Variants in SRP72 observed in about 807,000 individuals in gnomAD.
SRP72 encodes the protein signal recognition particle subunit SRP72.
Under a neutral mutation model 96.3 loss-of-function variants are expected in SRP72, and 49 were observed. That is an observed-to-expected ratio of 0.51 (90% CI 0.40 to 0.65). The LOEUF (loss-of-function observed/expected upper bound fraction) is 0.65, where lower values mean the gene tolerates loss of function less well. Ranked by LOEUF, SRP72 falls within the 30% of genes least tolerant of loss-of-function variation. The probability of loss-of-function intolerance (pLI) is 0.00; values close to 1 mark genes in which losing one functional copy is unlikely to be tolerated. For missense variants in SRP72, 736 were observed against 793.3 expected (o/e 0.93, Z 0.87); for synonymous variants, 267 against 275.2 (o/e 0.97, Z 0.30).
chr4:56,486,295 A>AT (rs547641102), intron 10 of SRP72, 30 bp from the exon 11 acceptor site: 77 of 1,542,642 alleles, frequency 5.0e-5, no homozygotes, highest in East Asian at 2.7e-4. Flanking sequence ...ATTAAATGTG[A>AT]TTTTTTTCCC....
chr4:56,496,418 A>G (rs1256625280), intron 17 of SRP72, among the ~76,000 whole-genome samples: 1 of 152,168 alleles, frequency 6.6e-6, no homozygotes, highest in Admixed American at 6.5e-5. Context: ...TATCCATTTC[A>G]CTATCTTTAA....
At chr4:56,484,945 G>C in intron 10 of SRP72, 81 bp downstream of exon 10, 1 of 1,478,000 alleles carries the variant, frequency 6.8e-7, no homozygotes, top group Non-Finnish European at 8.9e-7. Context: ...CTACTAGCAT[G>C]TAAATTTAAT....
At position 56,501,687 on chromosome 4, in the gene SRP72, T is replaced by C. The variant is rs1275938965; in HGVS notation, c.1842T>C (p.Asp614=). Residue 614 remains aspartate (D), a synonymous_variant, in exon 19 of 19, where the codon GAT becomes GAC. Transcript: ENST00000642900. ...GATAGASSEL[D]ASKTVSSPPT... Reference sequence around the variant, plus strand: ...AAAAATGATCTGATGATTTCAGGGATGCCAGTAAAACTGTGAGCAGCCCAC... The same window carrying C: ...AAAAATGATCTGATGATTTCAGGGACGCCAGTAAAACTGTGAGCAGCCCAC... The C allele has an allele frequency of 2.5e-6, 4 of 1,612,424 alleles. No individual in the cohort carries two copies. Among genetic ancestry groups the C allele is most frequent in the Admixed American group, 1.7e-5 (1 of 59,536 alleles).
In SRP72 at chr4:56,470,719, C is replaced by G. The variant is rs561808357; in HGVS notation, c.230+946C>G. Among the ~76,000 whole-genome samples the G allele has an allele frequency of 6.6e-5, 10 of 151,916 alleles. No homozygotes were observed. In the South Asian group the frequency reaches 1.9e-3, roughly 28 times the overall value. On this transcript the variant is annotated intron_variant, in intron 2 of 18. Coordinates refer to ENST00000642900, the MANE Select transcript of SRP72 (RefSeq NM_006947.4). ...TAAAAGGGAAATAGAGGCAATGCTG[C>G]TTTTCTCCTATTAAATATGTTTGCT... is the stretch of plus-strand genomic sequence containing the variant.
intron 17 of SRP72, among the ~76,000 whole-genome samples, chr4:56,495,833 C>G (rs1385482645): frequency 6.6e-6 from 1 of 152,142 alleles, no homozygotes; most frequent in Non-Finnish European, 1.5e-5. Flanking sequence ...AGTTGGCAGT[C>G]TAGAGGAATG....
intron 2 of SRP72, 42 bp from the exon 3 acceptor site, chr4:56,471,678 T>C: frequency 1.2e-6 from 2 of 1,604,388 alleles, no homozygotes; most frequent in South Asian, 1.1e-5. Context: ...TGCATTGCAT[T>C]GTTAGATAAT....
At chr4:56,487,265 T>C (rs1367695502) in intron 11 of SRP72, among the ~76,000 whole-genome samples, 1 of 152,140 alleles carries the variant, frequency 6.6e-6, no homozygotes, top group Admixed American at 6.5e-5. Flanking sequence ...GTTTAAAATG[T>C]CCTTAGTAGG....
chr4:56,470,473 G>A (rs1161142141), intron 2 of SRP72, among the ~76,000 whole-genome samples: 1 of 151,654 alleles, frequency 6.6e-6, no homozygotes, highest in Admixed American at 6.6e-5. Flanking sequence ...CCAGGAGGCA[G>A]AGGCTGCAGT....
chr4:56,496,205 A>T (rs958317361), intron 17 of SRP72, among the ~76,000 whole-genome samples: 1 of 152,320 alleles, frequency 6.6e-6, no homozygotes, highest in South Asian at 2.1e-4. Flanking sequence ...GGAATCTATC[A>T]TATAAATCAG....
rs564432603 is a variant in SRP72, at chr4:56,484,752, A to G, written c.974A>G (p.Lys325Arg). 1.3e-5 allele frequency: 21 copies of G among 1,614,114 alleles called. No homozygotes were observed. The East Asian group carries it at 4.0e-4, about 31-fold the overall frequency. Reference protein sequence around the residue: ...MYTNQAEQCRKISASLQSQSP... With the variant: ...MYTNQAEQCRRISASLQSQSP... ...ATCTTCTAGGCTGAACAATGCCGCA[A>G]AATATCTGCCAGTTTACAGTCCCAA... The change falls in exon 10 of 19, where the codon AAA (lysine) becomes AGA (arginine). Residue 325 changes from lysine (K) to arginine (R), a missense_variant. This residue lies in a region of SRP72 where 388 missense variants were observed against 431.8 expected (regional missense o/e 0.90). Transcript: ENST00000642900.
In SRP72 at chr4:56,474,268, G is replaced by T; in HGVS notation, c.499-12G>T. On this transcript the variant is annotated splice_polypyrimidine_tract_variant and intron_variant, in intron 4 of 18. Transcript: ENST00000642900. ...ATATTTAGTATTTAACTGGTATTTTGTCCCCTGACAGGAGAACCTGGGCCT... is the reference window on the plus strand; with the variant it reads ...ATATTTAGTATTTAACTGGTATTTTTTCCCCTGACAGGAGAACCTGGGCCT... 6.2e-7 allele frequency: 1 copy of T among 1,613,634 alleles called. No homozygotes were observed. The highest frequency in any genetic ancestry group is 8.5e-7 in the Non-Finnish European group (1 of 1,179,808).
At chr4:56,477,156 A>G (rs564387554) in intron 6 of SRP72, 4 of 152,724 alleles carry the variant, frequency 2.6e-5, no homozygotes, top group African/African-American at 9.7e-5. Flanking sequence ...GTTTTTTACC[A>G]ATCTCTTACC....
chr4:56,493,153 T>A (rs1202946750), intron 16 of SRP72, among the ~76,000 whole-genome samples: 2 of 151,992 alleles, frequency 1.3e-5, no homozygotes, highest in Non-Finnish European at 2.9e-5. Flanking sequence ...TTCTCCTGCC[T>A]CAGCCTCCTG....
chr4:56,484,318 G>C (rs936760921), intron 9 of SRP72, among the ~76,000 whole-genome samples: 4 of 151,994 alleles, frequency 2.6e-5, no homozygotes, highest in African/African-American at 7.2e-5. Context: ...ACAGGCATGA[G>C]CCACCACGCC....
At position 56,467,768 on chromosome 4, in the gene SRP72, G is replaced by A. The variant is rs747077280; in HGVS notation, c.109+24G>A. The A allele has an allele frequency of 3.5e-6, 5 of 1,414,788 alleles. No homozygotes were observed. The South Asian group carries it at 5.7e-5, about 16-fold the overall frequency. The allele number at this position is 1,414,788 out of a possible 1,614,324, so 87.6% of individuals were successfully genotyped here. A position where few individuals can be genotyped will look rare whatever the true frequency, so the allele number is the denominator to read the frequency against. ...GAGTAAGTGTCGGGGTGGGCACTGG[G>A]GCGGGCCCAGGCCGGCTGGAGGATG... On this transcript the variant is annotated intron_variant, in intron 1 of 18. Coordinates refer to ENST00000642900, the MANE Select transcript of SRP72 (RefSeq NM_006947.4).
At chr4:56,484,698 C>T in intron 9 of SRP72, 38 bp from the exon 10 acceptor site, 1 of 1,609,218 alleles carries the variant, frequency 6.2e-7, no homozygotes, top group East Asian at 2.2e-5. Context: ...ATTTCATTAA[C>T]CAGTTTATTT....
chr4:56,495,128 G>A (rs916992385), intron 16 of SRP72: 17 of 314,964 alleles, frequency 5.4e-5, no homozygotes, highest in Non-Finnish European at 7.7e-5. Flanking sequence ...ATCTGTTTTC[G>A]AATTGTCACC....
At chr4:56,490,028 T>G in intron 13 of SRP72, among the ~76,000 whole-genome samples, 1 of 152,124 alleles carries the variant, frequency 6.6e-6, no homozygotes, top group South Asian at 2.1e-4. Context: ...AATTAATGTT[T>G]GAGAACTATG....
intron 16 of SRP72, among the ~76,000 whole-genome samples, chr4:56,492,449 A>ATTT (rs924853620): frequency 1.4e-4 from 22 of 152,290 alleles, no homozygotes; most frequent in Admixed American, 4.6e-4. Flanking sequence ...ATGTTTTAAG[A>ATTT]TTTTACTTTT....
Sources: allele counts gnomAD v4.1 joint callset (sites outside exome capture counted in the v4.1 genomes callset), GRCh38; gene constraint gnomAD v4.1.1; regional missense constraint gnomAD v4.1.1; transcripts MANE v1.5; gene names NCBI Gene and HGNC (gene_info 2026-07-23, HGNC 2026-07-21).